Variants in RABGAP1L observed in about 807,000 individuals in gnomAD.
RABGAP1L encodes RAB GTPase activating protein 1 like.
A neutral mutation model predicts 137.7 loss-of-function variants in RABGAP1L; 63 were observed. The observed-to-expected ratio is 0.46, with a 90% CI of 0.37 to 0.56. RABGAP1L has a LOEUF of 0.56. Ranked by LOEUF, RABGAP1L falls within the 20% of genes least tolerant of loss-of-function variation. RABGAP1L has a pLI of 0.00. For missense variants in RABGAP1L, 1,095 were observed against 1,244.0 expected (o/e 0.88, Z 1.80); for synonymous variants, 431 against 433.7 (o/e 0.99, Z 0.08).
rs1352549179 is a variant in RABGAP1L, at chr1:174,159,544, C to T, written c.-147C>T. The T allele has an allele frequency of 6.6e-6, 1 of 152,302 alleles. No individual in the cohort carries two copies. The highest frequency in any genetic ancestry group is 2.4e-5 in the African/African-American group (1 of 41,458). The allele number at this position is 152,302 out of a possible 1,614,324, so 9.4% of individuals were successfully genotyped here. A position where few individuals can be genotyped will look rare whatever the true frequency, so the allele number is the denominator to read the frequency against. ...CAGTTCCCTCCGCCCTCCTCGGGCT[C>T]CAGCGGTGGCGGAGCGAACGGGACC... On this transcript the variant is annotated 5_prime_UTR_variant, in exon 1 of 26. Coordinates refer to ENST00000681986, the MANE Select transcript of RABGAP1L (RefSeq NM_001366446.1).
At chr1:174,822,782 C>T (rs992018969) in intron 19 of RABGAP1L, among the ~76,000 whole-genome samples, 7 of 152,192 alleles carry the variant, frequency 4.6e-5, no homozygotes, top group Non-Finnish European at 7.4e-5. Context: ...TCCTAATGAC[C>T]GGTACTGGTC....
At chr1:174,578,039 A>G (rs1290752148) in intron 13 of RABGAP1L, among the ~76,000 whole-genome samples, 3 of 152,246 alleles carry the variant, frequency 2.0e-5, no homozygotes. Context: ...TGGGAACACC[A>G]TTCTTTTATA....
At chr1:174,705,880 G>A (rs912369018) in intron 17 of RABGAP1L, 1 of 152,002 alleles carries the variant, frequency 6.6e-6, no homozygotes, top group Non-Finnish European at 1.5e-5. Flanking sequence ...ATTATCCATA[G>A]GTATTTGTTT....
intron 3 of RABGAP1L, among the ~76,000 whole-genome samples, chr1:174,222,043 C>T (rs191844558): frequency 1.4e-3 from 216 of 151,280 alleles, no homozygotes; most frequent in Non-Finnish European, 2.7e-3. Flanking sequence ...TTGACCAGGC[C>T]GGTCTTGAAT....
chr1:174,202,264 C>G (rs1190188491), intron 1 of RABGAP1L, among the ~76,000 whole-genome samples: 1 of 151,840 alleles, frequency 6.6e-6, no homozygotes, highest in Admixed American at 6.6e-5. Context: ...TACAGTCCCA[C>G]CAACAGTGTA....
Position 174,978,881 on chromosome 1 carries a change from G to T in RABGAP1L, c.2724G>T (p.Glu908Asp). 1 of 1,528,740 alleles carries T rather than the reference G, an allele frequency of 6.5e-7. No individual in the cohort carries two copies. The highest frequency in any genetic ancestry group is 8.8e-7 in the Non-Finnish European group (1 of 1,138,832). The allele number at this position is 1,528,740 out of a possible 1,614,324, so 94.7% of individuals were successfully genotyped here. Residue 908 changes from glutamate to aspartate, a missense_variant, in exon 23 of 26, where the codon GAG becomes GAT. Physicochemically the swap from Glu to Asp is conservative, Grantham distance 45. Around this residue, in one of 4 missense-constraint regions of RABGAP1L, gnomAD observed 312 missense variants for 435.6 expected, o/e 0.72. Coordinates refer to ENST00000681986, the MANE Select transcript of RABGAP1L (RefSeq NM_001366446.1). ...AGAAGACTACAGCTATCATTGCTGA[G>T]TATAAACAGGTAATGTACTTCTGTG... is the stretch of plus-strand genomic sequence containing the variant. ...EIKKTTAIIAEYKQICSQLST... is the reference protein window; with the variant it reads ...EIKKTTAIIADYKQICSQLST...
At chr1:174,568,306 A>C (rs1284068954) in intron 13 of RABGAP1L, among the ~76,000 whole-genome samples, 2 of 152,166 alleles carry the variant, frequency 1.3e-5, no homozygotes, top group Admixed American at 6.6e-5. Context: ...ACCTCCCACT[A>C]GGCCCCACCC....
chr1:174,615,240 G>T lies in RABGAP1L; in HGVS notation c.1711-22135G>T, dbSNP rs543772625. 1.3e-3 allele frequency among the ~76,000 whole-genome samples: 203 copies of T among 152,282 alleles called. 1 individual carries two copies. The highest frequency in any genetic ancestry group is 4.6e-3 in the African/African-American group (191 of 41,538). Reference sequence around the variant, plus strand: ...ACTTTTGGTCTTTGATGATGGTTATGTACAGATGGGTTTTTGGTGTGGATG... The same window carrying T: ...ACTTTTGGTCTTTGATGATGGTTATTTACAGATGGGTTTTTGGTGTGGATG... On this transcript the variant is annotated intron_variant, in intron 13 of 25. Transcript: ENST00000681986.
chr1:174,436,639 T>C (rs1653353325), intron 13 of RABGAP1L, among the ~76,000 whole-genome samples: 1 of 152,242 alleles, frequency 6.6e-6, no homozygotes, highest in South Asian at 2.1e-4. Context: ...TCTTTTGCTG[T>C]GCAGAAGCTC....
chr1:174,857,381 A>C (rs1487797040), intron 19 of RABGAP1L, among the ~76,000 whole-genome samples: 1 of 152,006 alleles, frequency 6.6e-6, no homozygotes, highest in Non-Finnish European at 1.5e-5. Context: ...TATTTTCCTA[A>C]TTTTTAAAAA....
At chr1:174,888,869 T>G (rs1655625959) in intron 19 of RABGAP1L, among the ~76,000 whole-genome samples, 2 of 152,190 alleles carry the variant, frequency 1.3e-5, no homozygotes. Context: ...ACTCTGTACA[T>G]ATTTAATGAA....
At chr1:174,506,420 TAAAAC>T (rs1661820520) in intron 13 of RABGAP1L, among the ~76,000 whole-genome samples, 2 of 152,086 alleles carry the variant, frequency 1.3e-5, no homozygotes, top group South Asian at 4.1e-4. Flanking sequence ...ACACAATAAT[TAAAAC>T]AAATTTAAAA....
At chr1:174,897,993 A>AAG (rs1558206095) in intron 19 of RABGAP1L, 1 of 151,582 alleles carries the variant, frequency 6.6e-6, no homozygotes, top group African/African-American at 2.4e-5. Context: ...AAAAAAAAAA[A>AAG]AAAGAAAAGG....
At chr1:174,243,232 A>G (rs1671975957) in intron 5 of RABGAP1L, 1 of 152,170 alleles carries the variant, frequency 6.6e-6, no homozygotes, top group South Asian at 2.1e-4. Flanking sequence ...GAGTAGGGGA[A>G]GTGTTTATTT....
chr1:174,721,479 A>G (rs1681535401), intron 17 of RABGAP1L, among the ~76,000 whole-genome samples: 1 of 152,198 alleles, frequency 6.6e-6, no homozygotes, highest in Admixed American at 6.5e-5. Context: ...TTTCTTGGTC[A>G]TGTGTTACTG....
At chr1:174,474,600 T>A (rs1213132596) in intron 13 of RABGAP1L, among the ~76,000 whole-genome samples, 1 of 151,802 alleles carries the variant, frequency 6.6e-6, no homozygotes, top group Non-Finnish European at 1.5e-5. Context: ...ATGATGATTA[T>A]TATTATTATT....
intron 13 of RABGAP1L, among the ~76,000 whole-genome samples, chr1:174,453,797 G>A (rs1655715670): frequency 6.6e-6 from 1 of 152,154 alleles, no homozygotes; most frequent in African/African-American, 2.4e-5. Flanking sequence ...TTCAGTGCTA[G>A]TCTTGCTCTG....
intron 19 of RABGAP1L, among the ~76,000 whole-genome samples, chr1:174,891,657 A>G (rs138255887): frequency 0.017 from 2,651 of 152,112 alleles, 94 homozygotes; most frequent in African/African-American, 0.059. Flanking sequence ...ACATGCCACC[A>G]TGCCTGGCTA....
chr1:174,885,366 T>G (rs1243332884), intron 19 of RABGAP1L, among the ~76,000 whole-genome samples: 1 of 152,172 alleles, frequency 6.6e-6, no homozygotes, highest in Non-Finnish European at 1.5e-5. Context: ...GGCATGTGTA[T>G]GTTAGTTATT....
Sources: gnomAD v4.1 joint callset for allele counts (sites outside exome capture counted in the v4.1 genomes callset) on GRCh38, gnomAD v4.1.1 for gene constraint, gnomAD v4.1.1 regional missense constraint, MANE v1.5 for transcripts, NCBI Gene and HGNC (gene_info 2026-07-23, HGNC 2026-07-21) for gene names.